NRXN3: variants seen among roughly 807,000 people sequenced by gnomAD.
The protein encoded by NRXN3 is neurexin III.
In NRXN3, 32 loss-of-function variants were observed where a neutral mutation model predicts 137.6. The observed-to-expected ratio is 0.23, with a 90% CI of 0.18 to 0.31. The LOEUF (loss-of-function observed/expected upper bound fraction) is 0.31, where lower values mean the gene tolerates loss of function less well. Among genes scored for constraint, NRXN3 ranks in the 10% least tolerant of loss-of-function variants. NRXN3 has a pLI of 1.00. For synonymous variants in NRXN3, 798 were observed against 784.5 expected (o/e 1.02, Z -0.29); for missense variants, 1,574 against 2,062.5 (o/e 0.76, Z 4.59).
Position 78,552,979 on chromosome 14 carries a change from A to G in NRXN3, c.758-92141A>G, listed in dbSNP as rs1208597721. 5.3e-5 allele frequency among the ~76,000 whole-genome samples: 8 copies of G among 152,204 alleles called. No homozygotes were observed. The East Asian group carries it at 1.3e-3, about 26-fold the overall frequency. ...AAATTATCACATATATCTTGAAACT[A>G]TGTACATCTATTATACATCAATAAA... On this transcript the variant is annotated intron_variant, in intron 4 of 20. Transcript: ENST00000335750.
At chr14:79,665,325 G>A (rs1038561502) in intron 17 of NRXN3, among the ~76,000 whole-genome samples, 1 of 152,104 alleles carries the variant, frequency 6.6e-6, no homozygotes, top group Admixed American at 6.6e-5. Flanking sequence ...GCCATTGCTA[G>A]GGGTCTCAGA....
chr14:79,812,793 A>T (rs888503158), intron 20 of NRXN3, among the ~76,000 whole-genome samples: 11 of 152,108 alleles, frequency 7.2e-5, no homozygotes, highest in African/African-American at 2.7e-4. Flanking sequence ...TGAAGGGAGA[A>T]TTTCAATCTG....
At chr14:79,769,670 T>C (rs530296131) in intron 19 of NRXN3, among the ~76,000 whole-genome samples, 1 of 152,172 alleles carries the variant, frequency 6.6e-6, no homozygotes, top group African/African-American at 2.4e-5. Context: ...TGCAAAATCA[T>C]GCCAAAAGGT....
At chr14:78,821,721 G>T (rs2098951393) in intron 10 of NRXN3, among the ~76,000 whole-genome samples, 1 of 151,972 alleles carries the variant, frequency 6.6e-6, no homozygotes, top group South Asian at 2.1e-4. Context: ...GCAGCCACTG[G>T]GCCGGTTATC....
At chr14:78,845,746 TC>T (rs1159733709) in intron 10 of NRXN3, among the ~76,000 whole-genome samples, 1 of 152,074 alleles carries the variant, frequency 6.6e-6, no homozygotes, top group Non-Finnish European at 1.5e-5. Flanking sequence ...ATCTCACACT[TC>T]TATAGCTGAT....
At chr14:78,674,825 AG>A (rs2097983342) in intron 6 of NRXN3, among the ~76,000 whole-genome samples, 1 of 152,232 alleles carries the variant, frequency 6.6e-6, no homozygotes, top group South Asian at 2.1e-4. Flanking sequence ...CTCTAAATTC[AG>A]TGTCTTGGTT....
At chr14:79,064,024 T>C (rs1326211380) in intron 15 of NRXN3, among the ~76,000 whole-genome samples, 1 of 152,214 alleles carries the variant, frequency 6.6e-6, no homozygotes, top group East Asian at 1.9e-4. Flanking sequence ...AGTGTGATCC[T>C]TCATATAAAA....
intron 4 of NRXN3, among the ~76,000 whole-genome samples, chr14:78,367,082 G>C (rs2086077763): frequency 6.6e-6 from 1 of 152,144 alleles, no homozygotes; most frequent in African/African-American, 2.4e-5. Context: ...GATGCTCTCT[G>C]ATTATACAAT....
chr14:79,527,418 A>T (rs573001324), intron 16 of NRXN3, among the ~76,000 whole-genome samples: 15 of 151,844 alleles, frequency 9.9e-5, no homozygotes, highest in Non-Finnish European at 1.9e-4. Flanking sequence ...TTGTGGATGG[A>T]AAGTGGTCTC....
In NRXN3 at chr14:79,217,997, A is replaced by G. The variant is rs570729017; in HGVS notation, c.3262+229856A>G. Among the ~76,000 whole-genome samples, 219 of 152,316 alleles carry G rather than the reference A, an allele frequency of 1.4e-3. 1 individual carries two copies. The highest frequency in any genetic ancestry group is 3.3e-3 in the Admixed American group (50 of 15,298). On this transcript the variant is annotated intron_variant, in intron 15 of 20. Transcript: ENST00000335750. ...GTTCCCAGAGGACACTGTTGGATTC[A>G]TATCTGACACGTAAATAAAGCCCAC...
At chr14:79,044,164 G>A (rs935066796) in intron 15 of NRXN3, among the ~76,000 whole-genome samples, 5 of 152,152 alleles carry the variant, frequency 3.3e-5, no homozygotes, top group African/African-American at 1.2e-4. Flanking sequence ...GTAAGATAAG[G>A]CCTTCTTTTG....
intron 16 of NRXN3, among the ~76,000 whole-genome samples, chr14:79,596,487 A>G (rs578180206): frequency 1.1e-4 from 17 of 152,360 alleles, no homozygotes; most frequent in East Asian, 5.8e-4. Flanking sequence ...TTAAAGAAAC[A>G]GGAAAGAAAC....
At chr14:79,364,089 T>C (rs901412076) in intron 15 of NRXN3, among the ~76,000 whole-genome samples, 4 of 152,208 alleles carry the variant, frequency 2.6e-5, no homozygotes, top group Non-Finnish European at 4.4e-5. Flanking sequence ...TGGCTATCAT[T>C]CTTTCTTCCT....
intron 4 of NRXN3, among the ~76,000 whole-genome samples, chr14:78,604,585 T>C (rs996203688): frequency 6.6e-6 from 1 of 152,208 alleles, no homozygotes; most frequent in Admixed American, 6.5e-5. Flanking sequence ...AAAGTGAGAA[T>C]TAGCTTACTT....
intron 16 of NRXN3, among the ~76,000 whole-genome samples, chr14:79,595,059 G>C (rs996937523): frequency 1.3e-5 from 2 of 152,186 alleles, no homozygotes; most frequent in African/African-American, 2.4e-5. Flanking sequence ...TTATGTATTA[G>C]TGCTTGATTT....
chr14:79,705,512 A>G (rs1262922823), intron 19 of NRXN3, among the ~76,000 whole-genome samples: 3 of 152,254 alleles, frequency 2.0e-5, no homozygotes, highest in East Asian at 3.9e-4. Context: ...CTGCATTAAT[A>G]TTGATTTTAA....
chr14:79,532,217 G>A (rs1315463099), intron 16 of NRXN3, among the ~76,000 whole-genome samples: 1 of 152,164 alleles, frequency 6.6e-6, no homozygotes, highest in East Asian at 1.9e-4. Context: ...ATGAACACGT[G>A]TGTATGTCTT....
intron 20 of NRXN3, among the ~76,000 whole-genome samples, chr14:79,827,005 G>T (rs570261220): frequency 6.6e-6 from 1 of 152,214 alleles, no homozygotes; most frequent in African/African-American, 2.4e-5. Flanking sequence ...GGATATAATA[G>T]TCTGACAATG....
intron 20 of NRXN3, among the ~76,000 whole-genome samples, chr14:79,834,142 T>G (rs529514625): frequency 6.6e-6 from 1 of 152,258 alleles, no homozygotes; most frequent in Non-Finnish European, 1.5e-5. Context: ...GGTAGTTACA[T>G]AAACAGGTCC....
Sources: gnomAD v4.1 joint callset for allele counts (sites outside exome capture counted in the v4.1 genomes callset) on GRCh38, gnomAD v4.1.1 for gene constraint, MANE v1.5 for transcripts, NCBI Gene and HGNC (gene_info 2026-07-23, HGNC 2026-07-21) for gene names.